The following S100Z variants were observed in gnomAD, a reference collection of about 807,000 sequenced individuals.
S100Z encodes the protein protein S100-Z.
A neutral mutation model predicts 8.5 loss-of-function variants in S100Z; 11 were observed. That is an observed-to-expected ratio of 1.30 (90% CI 0.82 to 2.15). The LOEUF (loss-of-function observed/expected upper bound fraction) is 2.15. Ranked by LOEUF, S100Z falls within the 30% of genes most tolerant of loss-of-function variation. The pLI is 0.00. For synonymous variants in S100Z, 34 were observed against 43.8 expected (o/e 0.78, Z 0.89); for missense variants, 126 against 117.9 (o/e 1.07, Z -0.32).
chr5:76,873,334 G>C (rs1161824004), intron 2 of S100Z, among the ~76,000 whole-genome samples: 2 of 74,196 alleles, frequency 2.7e-5, no homozygotes, highest in African/African-American at 2.1e-4. Context: ...TTTTGAGACG[G>C]AGTCTCACTG....
At chr5:76,886,216 C>T (rs374404099) in intron 4 of S100Z, among the ~76,000 whole-genome samples, 5 of 152,112 alleles carry the variant, frequency 3.3e-5, no homozygotes, top group Non-Finnish European at 5.9e-5. Flanking sequence ...ATCAGGCAGG[C>T]GACCTGCAAT....
At chr5:76,885,832 G>A (rs1743604111) in intron 4 of S100Z, among the ~76,000 whole-genome samples, 1 of 151,602 alleles carries the variant, frequency 6.6e-6, no homozygotes, top group Non-Finnish European at 1.5e-5. Context: ...AGACAGTAGA[G>A]GCACGGAGAG....
In S100Z at chr5:76,886,217, G is replaced by A. The variant is rs187411283; in HGVS notation, c.*2+8383G>A. Among the ~76,000 whole-genome samples the A allele has an allele frequency of 3.8e-3, 579 of 152,252 alleles. 2 individuals are homozygous for A. Among genetic ancestry groups the A allele is most frequent in the African/African-American group, 0.013 (533 of 41,560 alleles). ...AACGTGGGTGAATAATCAGGCAGGC[G>A]ACCTGCAATGATTAAACACTAAGGG... is the stretch of plus-strand genomic sequence containing the variant. On this transcript the variant is annotated intron_variant, in intron 4 of 4. Coordinates refer to ENST00000317593, the MANE Select transcript of S100Z (RefSeq NM_130772.4).
At chr5:76,863,638 A>C (rs1358670086) in intron 1 of S100Z, among the ~76,000 whole-genome samples, 1 of 152,022 alleles carries the variant, frequency 6.6e-6, no homozygotes, top group Non-Finnish European at 1.5e-5. Flanking sequence ...TCCCGGGTTC[A>C]CGCCATTCTC....
intron 1 of S100Z, among the ~76,000 whole-genome samples, chr5:76,863,611 T>A (rs1435147259): frequency 2.6e-5 from 4 of 152,168 alleles, no homozygotes; most frequent in Admixed American, 6.5e-5. Flanking sequence ...CGATCTCGGC[T>A]CACTGCAAGC....
At chr5:76,940,300 G>A in the S100Z span, among the ~76,000 whole-genome samples, 1 of 152,182 alleles carries the variant, frequency 6.6e-6, no homozygotes, top group Non-Finnish European at 1.5e-5. Context: ...GAACCTAACA[G>A]AGAAGGTTTT....
rs116516816 is a variant in S100Z at position 76,865,589 on chromosome 5, A to G, written c.-175-4577A>G. ...TGAAAAAGTTTACAAAGTTAAAAAA[A>G]AAATTAAAAATAGAAAAAACTTATA... is the stretch of plus-strand genomic sequence containing the variant. On this transcript the variant is annotated intron_variant, in intron 1 of 4. Transcript: ENST00000317593. Among the ~76,000 whole-genome samples the G allele has an allele frequency of 2.6e-3, 393 of 152,092 alleles. 1 individual carries two copies. The highest frequency in any genetic ancestry group is 8.8e-3 in the African/African-American group (367 of 41,566).
chr5:76,942,178 G>A, the S100Z span, among the ~76,000 whole-genome samples: 100 of 151,870 alleles, frequency 6.6e-4, 1 homozygote, highest in South Asian at 8.7e-3. Flanking sequence ...GCAGTGGTGC[G>A]ATCTTTGCTC....
At chr5:76,862,124 A>AGTGTGTGTGTGTGTGTGT (rs374825870) in intron 1 of S100Z, among the ~76,000 whole-genome samples, 25 of 138,508 alleles carry the variant, frequency 1.8e-4, no homozygotes, top group African/African-American at 4.0e-4. Flanking sequence ...AGGGATAAGG[A>AGTGTGTGTGTGTGTGTGT]GTGTGCGTGT....
downstream of S100Z, among the ~76,000 whole-genome samples, chr5:76,921,895 G>A (rs367677171): frequency 4.0e-4 from 61 of 151,892 alleles, no homozygotes; most frequent in Non-Finnish European, 6.0e-4. Context: ...AGGCTGAGGC[G>A]GGAGAATTGT....
chr5:76,913,456 CAGAATCAGGAAGGAGCCATCTTAT>C (rs1490266707), intron 4 of S100Z, among the ~76,000 whole-genome samples: 2 of 152,128 alleles, frequency 1.3e-5, no homozygotes, highest in African/African-American at 4.8e-5. Flanking sequence ...CTCAGACAAA[CAGAATCAGGAAGGAGCCATCTTAT>C]AGAATCAGGA....
chr5:76,882,165 A>G (rs13185349), intron 4 of S100Z, among the ~76,000 whole-genome samples: 1,960 of 152,220 alleles, frequency 0.013, 26 homozygotes, highest in Non-Finnish European at 0.022. Context: ...AAGAAAATAG[A>G]TTTTGGAAGT....
At chr5:76,949,579 G>T in the S100Z span, among the ~76,000 whole-genome samples, 60,005 of 151,960 alleles carry the variant, frequency 0.39, 14,095 homozygotes, top group South Asian at 0.64. Flanking sequence ...GTTGACGAAT[G>T]AATAAAGAAA....
At chr5:76,922,955 T>C (rs1745074312), downstream of S100Z, among the ~76,000 whole-genome samples, 1 of 152,032 alleles carries the variant, frequency 6.6e-6, no homozygotes, top group Non-Finnish European at 1.5e-5. Context: ...CAGCTGAGTT[T>C]TAGCAAGCCT....
At chr5:76,934,128 A>G in the S100Z span, among the ~76,000 whole-genome samples, 3 of 152,228 alleles carry the variant, frequency 2.0e-5, no homozygotes, top group Non-Finnish European at 2.9e-5. Context: ...ATTCATATCC[A>G]GGGATGTCAC....
chr5:76,941,599 G>A, the S100Z span, among the ~76,000 whole-genome samples: 10 of 152,300 alleles, frequency 6.6e-5, no homozygotes, highest in South Asian at 6.2e-4. Flanking sequence ...TGAGAACAGA[G>A]TAGTACACAA....
At chr5:76,859,869 C>G (rs1487087625) in intron 1 of S100Z, among the ~76,000 whole-genome samples, 1 of 151,614 alleles carries the variant, frequency 6.6e-6, no homozygotes, top group Non-Finnish European at 1.5e-5. Context: ...GATGCAACCA[C>G]AATTAGCCTC....
chr5:76,941,139 G>T, the S100Z span, among the ~76,000 whole-genome samples: 1 of 152,160 alleles, frequency 6.6e-6, no homozygotes, highest in South Asian at 2.1e-4. Flanking sequence ...AGAACAAAAG[G>T]AAAGACAGTT....
intron 4 of S100Z, among the ~76,000 whole-genome samples, chr5:76,907,855 G>A: frequency 6.6e-6 from 1 of 152,148 alleles, no homozygotes; most frequent in Admixed American, 6.5e-5. Context: ...AAGGCCAGGT[G>A]CAGTGGCTCA....
Sources: allele counts gnomAD v4.1 joint callset (sites outside exome capture counted in the v4.1 genomes callset), GRCh38; gene constraint gnomAD v4.1.1; transcripts MANE v1.5; gene names NCBI Gene and HGNC (gene_info 2026-07-23, HGNC 2026-07-21).